Variants in PKNOX2 observed in about 807,000 individuals in gnomAD.
The protein encoded by PKNOX2 is PBX/knotted 1 homeobox 2.
A neutral mutation model predicts 53.1 loss-of-function variants in PKNOX2; 14 were observed. The observed-to-expected ratio is 0.26, with a 90% CI of 0.17 to 0.41. PKNOX2 has a LOEUF of 0.41. Among genes scored for constraint, PKNOX2 ranks in the 10% least tolerant of loss-of-function variants. The probability of loss-of-function intolerance (pLI) is 1.00; values close to 1 mark genes in which losing one functional copy is unlikely to be tolerated. For missense variants in PKNOX2, 496 were observed against 602.8 expected, an observed-to-expected ratio of 0.82 and a Z score of 1.85; for synonymous variants, 257 against 242.8, an observed-to-expected ratio of 1.06 and a Z score of -0.54.
chr11:125,223,150 G>T (rs142492776), intron 1 of PKNOX2, among the ~76,000 whole-genome samples: 161 of 152,132 alleles, frequency 1.1e-3, no homozygotes, highest in Non-Finnish European at 1.9e-3. Context: ...ATGACACATT[G>T]GTTTGCCCTT....
intron 1 of PKNOX2, among the ~76,000 whole-genome samples, chr11:125,183,774 C>G (rs1365468744): frequency 6.6e-6 from 1 of 152,014 alleles, no homozygotes; most frequent in Non-Finnish European, 1.5e-5. Context: ...TCTGGATTAG[C>G]CACTACAGTT....
chr11:125,366,858 A>G (rs1319103270), intron 4 of PKNOX2, among the ~76,000 whole-genome samples: 1 of 152,206 alleles, frequency 6.6e-6, no homozygotes, highest in Non-Finnish European at 1.5e-5. Context: ...CTCCGCAAGT[A>G]TTTTTATTAA....
At chr11:125,250,119 T>A (rs534443073) in intron 2 of PKNOX2, among the ~76,000 whole-genome samples, 2 of 148,736 alleles carry the variant, frequency 1.3e-5, no homozygotes, top group Non-Finnish European at 3.0e-5. Flanking sequence ...TCTCACTATG[T>A]TGCCCAGGCT....
intron 1 of PKNOX2, among the ~76,000 whole-genome samples, chr11:125,232,287 A>G (rs755499441): frequency 1.4e-4 from 21 of 152,240 alleles, no homozygotes; most frequent in Non-Finnish European, 1.6e-4. Context: ...TTTCTACCAT[A>G]TCTTCTGCCT....
At chr11:125,195,092 G>A (rs1033009924) in intron 1 of PKNOX2, among the ~76,000 whole-genome samples, 3 of 152,196 alleles carry the variant, frequency 2.0e-5, no homozygotes, top group African/African-American at 7.2e-5. Context: ...AGCACCCAGG[G>A]AGTCTGTTTC....
intron 2 of PKNOX2, among the ~76,000 whole-genome samples, chr11:125,248,639 C>T (rs1189562868): frequency 1.3e-5 from 2 of 148,556 alleles, no homozygotes; most frequent in Admixed American, 6.8e-5. Context: ...ATATACAACA[C>T]ATACACATAT....
intron 1 of PKNOX2, among the ~76,000 whole-genome samples, chr11:125,198,406 T>C (rs1046246549): frequency 6.6e-5 from 10 of 152,210 alleles, no homozygotes; most frequent in African/African-American, 2.4e-4. Flanking sequence ...GCGGATCCCC[T>C]CTTTACCTGA....
chr11:125,322,395 C>G (rs1013372594), intron 2 of PKNOX2, among the ~76,000 whole-genome samples: 2 of 152,136 alleles, frequency 1.3e-5, no homozygotes, highest in African/African-American at 4.8e-5. Context: ...CGTTCTACAG[C>G]CCCCTCCACT....
chr11:125,326,939 G>A (rs1321584766), intron 2 of PKNOX2, among the ~76,000 whole-genome samples: 1 of 152,212 alleles, frequency 6.6e-6, no homozygotes, highest in Non-Finnish European at 1.5e-5. Context: ...TCAGCTATTA[G>A]GGACTGCTGG....
At chr11:125,310,626 G>A (rs1056119449) in intron 2 of PKNOX2, among the ~76,000 whole-genome samples, 12 of 151,988 alleles carry the variant, frequency 7.9e-5, no homozygotes, top group Non-Finnish European at 1.6e-4. Context: ...TGAAAAGAGG[G>A]AAAACTTTTG....
At chr11:125,335,187 C>T (rs957323968) in intron 3 of PKNOX2, among the ~76,000 whole-genome samples, 1 of 152,158 alleles carries the variant, frequency 6.6e-6, no homozygotes, top group Non-Finnish European at 1.5e-5. Flanking sequence ...AAAGTCAAGC[C>T]GTCTGCATTC....
chr11:125,201,212 G>A lies in PKNOX2; in HGVS notation c.-200-33833G>A, dbSNP rs113539192. ...GGCCATTCTACCCCCAAGAGGAAGC[G>A]GGGTCTTCCTTTCCACTTTCCAGTG... On this transcript the variant is annotated intron_variant, in intron 1 of 12. Transcript: ENST00000298282. 4.6e-3 allele frequency among the ~76,000 whole-genome samples: 699 copies of A among 152,244 alleles called. 5 individuals are homozygous for A. The highest frequency in any genetic ancestry group is 0.027 in the South Asian group (132 of 4,816).
chr11:125,392,789 A>T (rs1374183847), intron 6 of PKNOX2, among the ~76,000 whole-genome samples: 1 of 152,152 alleles, frequency 6.6e-6, no homozygotes, highest in Admixed American at 6.6e-5. Context: ...AAAGGAAAGA[A>T]AGGAGGGAGG....
At chr11:125,226,844 T>C (rs114230518) in intron 1 of PKNOX2, among the ~76,000 whole-genome samples, 134 of 151,872 alleles carry the variant, frequency 8.8e-4, no homozygotes, top group African/African-American at 3.1e-3. Flanking sequence ...GCCTTCCCTG[T>C]TGCAGGCTGG....
chr11:125,375,376 A>G (rs1410813314), intron 5 of PKNOX2, among the ~76,000 whole-genome samples: 3 of 152,130 alleles, frequency 2.0e-5, no homozygotes, highest in Non-Finnish European at 2.9e-5. Flanking sequence ...GGACCCCAGG[A>G]TGTGTATGAC....
chr11:125,268,250 A>G (rs1945512537), intron 2 of PKNOX2, among the ~76,000 whole-genome samples: 1 of 152,200 alleles, frequency 6.6e-6, no homozygotes, highest in South Asian at 2.1e-4. Context: ...TCTCAACCCA[A>G]TGTTCCCTTC....
chr11:125,274,434 G>A (rs1158276409), intron 2 of PKNOX2, among the ~76,000 whole-genome samples: 1 of 152,210 alleles, frequency 6.6e-6, no homozygotes, highest in African/African-American at 2.4e-5. Context: ...CTTTGCCTCT[G>A]CGGTGCCAGC....
At chr11:125,425,930 G>C (rs966105766) in intron 10 of PKNOX2, among the ~76,000 whole-genome samples, 2 of 152,022 alleles carry the variant, frequency 1.3e-5, no homozygotes, top group Admixed American at 1.3e-4. Context: ...CGTCCAGGAG[G>C]GATAGGTGGT....
At chr11:125,171,890 A>G (rs1955348486) in intron 1 of PKNOX2, among the ~76,000 whole-genome samples, 1 of 152,234 alleles carries the variant, frequency 6.6e-6, no homozygotes, top group Admixed American at 6.5e-5. Flanking sequence ...GGGCACATAC[A>G]ATACACAGAC....
Sources: gnomAD v4.1 joint callset for allele counts (sites outside exome capture counted in the v4.1 genomes callset) on GRCh38, gnomAD v4.1.1 for gene constraint, MANE v1.5 for transcripts, NCBI Gene and HGNC (gene_info 2026-07-23, HGNC 2026-07-21) for gene names.